KLF7: variants seen among roughly 807,000 people sequenced by gnomAD.
KLF7 encodes the protein Krueppel-like factor 7.
In KLF7, 2 loss-of-function variants were observed where a neutral mutation model predicts 27.3. The ratio of observed to expected loss-of-function variants is 0.07; its 90% CI spans 0.03 to 0.23. KLF7 has a LOEUF of 0.23. Among genes scored for constraint, KLF7 ranks in the 10% least tolerant of loss-of-function variants. KLF7 has a pLI of 1.00. For synonymous variants in KLF7, 165 were observed against 162.4 expected, an observed-to-expected ratio of 1.02 and a Z score of -0.12; for missense variants, 221 against 394.1, an observed-to-expected ratio of 0.56 and a Z score of 3.72.
At chr2:207,113,396 G>C (rs1169629577) in intron 2 of KLF7, among the ~76,000 whole-genome samples, 1 of 152,150 alleles carries the variant, frequency 6.6e-6, no homozygotes, top group African/African-American at 2.4e-5. Context: ...TGAGAAGGCA[G>C]GATGAGGGGC....
At chr2:207,148,710 G>A (rs1252906514) in intron 1 of KLF7, among the ~76,000 whole-genome samples, 1 of 152,202 alleles carries the variant, frequency 6.6e-6, no homozygotes, top group Admixed American at 6.5e-5. Context: ...TTTGGCTGGA[G>A]ATGAATGGCA....
intron 1 of KLF7, among the ~76,000 whole-genome samples, chr2:207,144,166 GAGAA>G (rs1303847893): frequency 0.021 from 1,049 of 50,406 alleles, 7 homozygotes; most frequent in African/African-American, 0.049. Context: ...CAGCGGGGGG[GAGAA>G]AAAAAAAAAA....
At chr2:207,143,937 T>A (rs944326345) in intron 1 of KLF7, among the ~76,000 whole-genome samples, 1 of 152,032 alleles carries the variant, frequency 6.6e-6, no homozygotes, top group Non-Finnish European at 1.5e-5. Flanking sequence ...ACAAAACCAA[T>A]AGAGCAGCAT....
chr2:207,106,473 G>C (rs768366554), intron 2 of KLF7, among the ~76,000 whole-genome samples: 1 of 152,174 alleles, frequency 6.6e-6, no homozygotes, highest in Non-Finnish European at 1.5e-5. Context: ...TTGATTGAAA[G>C]GACATCTATC....
intron 3 of KLF7, among the ~76,000 whole-genome samples, chr2:207,087,563 G>A (rs541048495): frequency 1.3e-5 from 2 of 152,240 alleles, no homozygotes; most frequent in South Asian, 4.2e-4. Flanking sequence ...GCTTTCAGGG[G>A]CTTTTATCGT....
chr2:207,096,341 G>A (rs557611192), intron 2 of KLF7, among the ~76,000 whole-genome samples: 2 of 152,262 alleles, frequency 1.3e-5, no homozygotes, highest in South Asian at 2.1e-4. Context: ...TCTCTGTTTC[G>A]AGGGATCTCC....
chr2:207,119,853 G>A (rs899493357), intron 2 of KLF7, among the ~76,000 whole-genome samples: 1 of 152,138 alleles, frequency 6.6e-6, no homozygotes, highest in African/African-American at 2.4e-5. Flanking sequence ...ACAGGCACGC[G>A]CCACACGCCC....
At position 207,139,915 on chromosome 2, in the gene KLF7, T is replaced by C. The variant is rs560251584; in HGVS notation, c.103-15511A>G. Among the ~76,000 whole-genome samples, 205 of 152,310 alleles carry C rather than the reference T, an allele frequency of 1.3e-3. 1 individual carries two copies. Among genetic ancestry groups the C allele is most frequent in the Middle Eastern group, 3.4e-3 (1 of 294 alleles). On this transcript the variant is annotated intron_variant, in intron 1 of 3. Coordinates refer to ENST00000309446, the MANE Select transcript of KLF7 (RefSeq NM_003709.4). ...TCTTTTCTGAGACAAGAGTCTTTCT[T>C]TTTTGAGACAGTCGCCAGGCTGGAG...
chr2:207,167,131 G>T (rs1055864952), upstream of KLF7: 80 of 1,441,134 alleles, frequency 5.6e-5, no homozygotes, highest in African/African-American at 1.1e-3. Context: ...TTTACGTGAT[G>T]AGGCTCACCA....
At chr2:207,110,639 G>A (rs1162078499) in intron 2 of KLF7, among the ~76,000 whole-genome samples, 1 of 152,232 alleles carries the variant, frequency 6.6e-6, no homozygotes, top group African/African-American at 2.4e-5. Context: ...GGCTCAGGAA[G>A]AGTCACAATC....
At chr2:207,109,091 T>C (rs17282552) in intron 2 of KLF7, among the ~76,000 whole-genome samples, 3,315 of 152,336 alleles carry the variant, frequency 0.022, 56 homozygotes, top group Middle Eastern at 0.041. Context: ...TCATCAAGAA[T>C]TATCTAAAAT....
chr2:207,087,418 T>C (rs1357746239), intron 3 of KLF7, among the ~76,000 whole-genome samples: 1 of 152,056 alleles, frequency 6.6e-6, no homozygotes, highest in African/African-American at 2.4e-5. Context: ...CACCAAACAC[T>C]ACTACAGAGG....
intron 1 of KLF7, among the ~76,000 whole-genome samples, chr2:207,160,241 C>T (rs1405872424): frequency 1.3e-5 from 2 of 152,114 alleles, no homozygotes; most frequent in Admixed American, 1.3e-4. Flanking sequence ...TACCCCCAAT[C>T]GTTTATGCTA....
chr2:207,113,470 T>G (rs1328913101), intron 2 of KLF7, among the ~76,000 whole-genome samples: 1 of 152,078 alleles, frequency 6.6e-6, no homozygotes, highest in African/African-American at 2.4e-5. Flanking sequence ...CATATCTTCC[T>G]CTCCCTTTTC....
intron 2 of KLF7, among the ~76,000 whole-genome samples, chr2:207,102,485 T>G (rs2076790510): frequency 6.6e-6 from 1 of 152,246 alleles, no homozygotes; most frequent in Non-Finnish European, 1.5e-5. Flanking sequence ...CACTTCATAT[T>G]ACTCCAGTAA....
intron 1 of KLF7, among the ~76,000 whole-genome samples, chr2:207,158,048 G>C (rs183150499): frequency 6.6e-6 from 1 of 152,258 alleles, no homozygotes; most frequent in African/African-American, 2.4e-5. Context: ...GAAACCCAGG[G>C]AAATATCTGG....
At chr2:207,165,133 C>G (rs953227700) in intron 1 of KLF7, among the ~76,000 whole-genome samples, 4 of 151,992 alleles carry the variant, frequency 2.6e-5, no homozygotes, top group Admixed American at 6.6e-5. Flanking sequence ...CCCCAAACCA[C>G]CTTCCCACCC....
At chr2:207,136,342 G>A (rs1031444193) in intron 1 of KLF7, among the ~76,000 whole-genome samples, 3 of 152,070 alleles carry the variant, frequency 2.0e-5, no homozygotes, top group Non-Finnish European at 2.9e-5. Context: ...CTCCCCTTCA[G>A]ACAGGACACT....
At chr2:207,141,976 G>A (rs977099243) in intron 1 of KLF7, among the ~76,000 whole-genome samples, 3 of 151,820 alleles carry the variant, frequency 2.0e-5, no homozygotes, top group Non-Finnish European at 4.4e-5. Flanking sequence ...CTCCTGCCCC[G>A]CAGTACTCGG....
Sources: gnomAD v4.1 joint callset for allele counts (sites outside exome capture counted in the v4.1 genomes callset) on GRCh38, gnomAD v4.1.1 for gene constraint, MANE v1.5 for transcripts, NCBI Gene and HGNC (gene_info 2026-07-23, HGNC 2026-07-21) for gene names.